LYRM4: variants seen among roughly 807,000 people sequenced by gnomAD.
LYRM4 encodes the protein LYR motif-containing protein 4.
A neutral mutation model predicts 11.7 loss-of-function variants in LYRM4; 9 were observed. The observed-to-expected ratio is 0.77, with a 90% CI of 0.46 to 1.34. The LOEUF (loss-of-function observed/expected upper bound fraction) is 1.34, where lower values mean the gene tolerates loss of function less well. LYRM4 is among the 40% of genes most tolerant of loss of function. The probability of loss-of-function intolerance (pLI) is 0.00; values close to 1 mark genes in which losing one functional copy is unlikely to be tolerated. For missense variants in LYRM4, 133 were observed against 112.5 expected (o/e 1.18, Z -0.82); for synonymous variants, 42 against 40.4 (o/e 1.04, Z -0.15).
the LYRM4 span, chr6:5,088,672 C>T: frequency 6.6e-6 from 1 of 152,146 alleles, no homozygotes; most frequent in Non-Finnish European, 1.5e-5. Context: ...GTTTTTTAAA[C>T]ACAATATGCT....
At chr6:5,127,621 AG>A (rs1763755738) in intron 2 of LYRM4, among the ~76,000 whole-genome samples, 1 of 152,234 alleles carries the variant, frequency 6.6e-6, no homozygotes, top group South Asian at 2.1e-4. Flanking sequence ...TAAGAAAAAA[AG>A]GAAAATATGT....
chr6:5,058,724 C>T, the LYRM4 span, among the ~76,000 whole-genome samples: 1 of 152,262 alleles, frequency 6.6e-6, no homozygotes, highest in South Asian at 2.1e-4. Flanking sequence ...CCTGTTTTAG[C>T]CATGCTTGAT....
chr6:5,071,927 G>T, the LYRM4 span, among the ~76,000 whole-genome samples: 1 of 152,112 alleles, frequency 6.6e-6, no homozygotes, highest in African/African-American at 2.4e-5. Flanking sequence ...TTACAGGTGT[G>T]AGGCACCACA....
the LYRM4 span, among the ~76,000 whole-genome samples, chr6:5,065,454 T>G: frequency 2.0e-5 from 3 of 152,206 alleles, no homozygotes. Flanking sequence ...TTTGTTTACT[T>G]TCTAAGCTTA....
chr6:5,159,454 G>T (rs559253639), intron 2 of LYRM4, among the ~76,000 whole-genome samples: 1 of 152,304 alleles, frequency 6.6e-6, no homozygotes, highest in East Asian at 1.9e-4. Context: ...GCAGAAGAAG[G>T]GATGGAAAGG....
At chr6:5,120,479 T>G (rs962758591) in intron 2 of LYRM4, among the ~76,000 whole-genome samples, 43 of 152,264 alleles carry the variant, frequency 2.8e-4, no homozygotes, top group African/African-American at 9.6e-4. Context: ...AAAGGTGGTG[T>G]GGACCCAAAA....
At chr6:5,185,565 A>G (rs1760340620) in intron 2 of LYRM4, among the ~76,000 whole-genome samples, 1 of 152,136 alleles carries the variant, frequency 6.6e-6, no homozygotes, top group African/African-American at 2.4e-5. Context: ...CAATATGGTA[A>G]AATCTAATCT....
chr6:5,108,272 C>G (rs973524004), downstream of LYRM4: 8 of 186,126 alleles, frequency 4.3e-5, no homozygotes, highest in African/African-American at 1.9e-4. Flanking sequence ...CAAACCTTAA[C>G]CCACAGATAC....
chr6:5,160,300 G>C (rs1266593390), intron 2 of LYRM4, among the ~76,000 whole-genome samples: 1 of 152,130 alleles, frequency 6.6e-6, no homozygotes, highest in Non-Finnish European at 1.5e-5. Context: ...GCTCAGCTGA[G>C]AAGTGGAGAG....
intron 1 of LYRM4, among the ~76,000 whole-genome samples, chr6:5,232,407 G>A (rs1251836480): frequency 1.3e-5 from 2 of 152,240 alleles, no homozygotes; most frequent in African/African-American, 4.8e-5. Context: ...CAGAGAGCAT[G>A]CCTGGCTTAG....
the LYRM4 span, chr6:5,085,248 G>T: frequency 2.2e-6 from 1 of 458,066 alleles, no homozygotes; most frequent in East Asian, 3.6e-5. Context: ...CCGGGAGGCG[G>T]CGTGGCCCCG....
chr6:5,146,244 T>C (rs1023062572), intron 2 of LYRM4, among the ~76,000 whole-genome samples: 1 of 152,122 alleles, frequency 6.6e-6, no homozygotes, highest in African/African-American at 2.4e-5. Context: ...ACTAAATGAA[T>C]CGTGCAAGGT....
Position 5,127,873 on chromosome 6 carries a change from T to C in LYRM4, c.208-18382A>G, listed in dbSNP as rs940223984. 2.6e-5 allele frequency among the ~76,000 whole-genome samples: 4 copies of C among 152,236 alleles called. No individual in the cohort carries two copies. In the South Asian group the frequency reaches 6.2e-4, roughly 24 times the overall value. On this transcript the variant is annotated intron_variant, in intron 2 of 2. Transcript: ENST00000330636. ...TTTAAAACCTGTGATAAAAACAACA[T>C]TGTTACATTACAATTTACCATTTTT...
chr6:5,213,693 CAA>C (rs1762101405), intron 2 of LYRM4, among the ~76,000 whole-genome samples: 1 of 152,014 alleles, frequency 6.6e-6, no homozygotes, highest in Non-Finnish European at 1.5e-5. Context: ...TGTGGGTGGC[CAA>C]AAAGACACCC....
chr6:5,086,017 G>C, the LYRM4 span: 8 of 1,499,344 alleles, frequency 5.3e-6, no homozygotes, highest in Non-Finnish European at 7.1e-6. Context: ...GGAGCAGCTC[G>C]GGGGGCTGCT....
At chr6:5,083,791 G>C in the LYRM4 span, among the ~76,000 whole-genome samples, 3 of 152,292 alleles carry the variant, frequency 2.0e-5, no homozygotes, top group Admixed American at 2.0e-4. Flanking sequence ...ACCATGACAT[G>C]TTTTAGTTAT....
chr6:5,081,496 C>A, the LYRM4 span, among the ~76,000 whole-genome samples: 3 of 152,202 alleles, frequency 2.0e-5, no homozygotes, highest in Non-Finnish European at 1.5e-5. Flanking sequence ...TCCAACCCTT[C>A]TGGCTGTTCA....
chr6:5,241,415 T>A (rs1465932880), intron 1 of LYRM4, among the ~76,000 whole-genome samples: 1 of 152,242 alleles, frequency 6.6e-6, no homozygotes, highest in African/African-American at 2.4e-5. Flanking sequence ...CCTAAGGCAG[T>A]AAACAGTCTC....
At chr6:5,120,787 C>T (rs1267682044) in intron 2 of LYRM4, among the ~76,000 whole-genome samples, 2 of 152,172 alleles carry the variant, frequency 1.3e-5, no homozygotes, top group African/African-American at 4.8e-5. Context: ...ATTTTACAAA[C>T]CTCTAGCTAG....
Sources: allele counts gnomAD v4.1 joint callset (sites outside exome capture counted in the v4.1 genomes callset), GRCh38; gene constraint gnomAD v4.1.1; transcripts MANE v1.5; gene names NCBI Gene and HGNC (gene_info 2026-07-23, HGNC 2026-07-21).